Variants in DHTKD1 observed in about 807,000 individuals in gnomAD.
DHTKD1 encodes the protein dehydrogenase E1 and transketolase domain containing 1, also known as 2-oxoadipate dehydrogenase complex component E1.
Under a neutral mutation model 101.8 loss-of-function variants are expected in DHTKD1, and 78 were observed. The observed-to-expected ratio is 0.77, with a 90% CI of 0.64 to 0.93. The LOEUF (loss-of-function observed/expected upper bound fraction) is 0.93, where lower values mean the gene tolerates loss of function less well. Among genes scored for constraint, DHTKD1 ranks in the 40% least tolerant of loss-of-function variants. The probability of loss-of-function intolerance (pLI) is 0.00; values close to 1 mark genes in which losing one functional copy is unlikely to be tolerated. For missense variants in DHTKD1, 1,223 were observed against 1,161.7 expected (o/e 1.05, Z -0.77); for synonymous variants, 462 against 450.3 (o/e 1.03, Z -0.33).
chr10:12,087,147 C>T lies in DHTKD1; in HGVS notation c.523-388C>T, dbSNP rs568602617. Among the ~76,000 whole-genome samples the T allele has an allele frequency of 9.9e-5, 15 of 152,228 alleles. No individual in the cohort carries two copies. Among genetic ancestry groups the T allele is most frequent in the African/African-American group, 3.6e-4 (15 of 41,544 alleles). The stretch of plus-strand genomic sequence containing the variant: ...GGAATGTCAAGATGGCAAGAAGCCC[C>T]TTCCTAATAGTTTGGGTAGTTGGAT... On this transcript the variant is annotated intron_variant, in intron 3 of 16. Transcript: ENST00000263035. The surrounding 1 kb of genome is among the most constrained non-coding windows in gnomAD (Gnocchi z 5.2).
intron 16 of DHTKD1, 55 bp downstream of exon 16, chr10:12,120,322 CTTTTCTTTCTTTCTTTCTTTTTTTT>C: frequency 1.5e-6 from 2 of 1,356,468 alleles, no homozygotes; most frequent in Non-Finnish European, 2.0e-6. Context: ...TGTTGTTTTT[CTTTTCTTTCTTTCTTTCTTTTTTTT>C]TTTTGAGACA....
Position 12,096,396 on chromosome 10 carries a change from A to AT in DHTKD1, c.1359-1281dup, listed in dbSNP as rs1479404501. ...CTCAGGGTTCTATTTTATTTTATTTATTTTTTTGAGACACGGTCTTGCTCT... is the reference window on the plus strand; with the variant it reads ...CTCAGGGTTCTATTTTATTTTATTTATTTTTTTTGAGACACGGTCTTGCTCT... On this transcript the variant is annotated intron_variant, in intron 7 of 16. Coordinates refer to ENST00000263035, the MANE Select transcript of DHTKD1 (RefSeq NM_018706.7). 3.3e-5 allele frequency among the ~76,000 whole-genome samples: 5 copies of AT among 151,838 alleles called. No homozygotes were observed. The South Asian group carries it at 8.3e-4, about 25-fold the overall frequency.
chr10:12,094,786 T>C (rs1428450929), intron 7 of DHTKD1, among the ~76,000 whole-genome samples: 1 of 152,172 alleles, frequency 6.6e-6, no homozygotes, highest in Non-Finnish European at 1.5e-5. Context: ...ATTACAGGTA[T>C]GCATCACCAC....
At chr10:12,097,079 ATTGT>A (rs895206647) in intron 7 of DHTKD1, among the ~76,000 whole-genome samples, 5 of 152,080 alleles carry the variant, frequency 3.3e-5, no homozygotes, top group African/African-American at 1.2e-4. Context: ...TATATTTAAC[ATTGT>A]TTATTTATTT....
intron 10 of DHTKD1, among the ~76,000 whole-genome samples, chr10:12,102,127 T>TA (rs1833180118): frequency 6.6e-6 from 1 of 152,046 alleles, no homozygotes; most frequent in Admixed American, 6.6e-5. Context: ...TGACACCTTA[T>TA]AAAAAATTCA....
intron 16 of DHTKD1, 64 bp downstream of exon 16, chr10:12,120,331 CT>C: frequency 7.5e-7 from 1 of 1,340,762 alleles, no homozygotes; most frequent in African/African-American, 1.5e-5. Flanking sequence ...TCTTTTCTTT[CT>C]TTCTTTCTTT....
Position 12,120,250 on chromosome 10 carries a change from A to C in DHTKD1, c.2641A>C (p.Lys881Gln), listed in dbSNP as rs1445913143. The change falls in exon 16 of 17, where the codon AAG becomes CAG. Residue 881 changes from lysine (K) to glutamine (Q), a missense_variant. Physicochemically the swap from Lys to Gln is moderately conservative, Grantham distance 53. Coordinates refer to ENST00000263035, the MANE Select transcript of DHTKD1 (RefSeq NM_018706.7). ...PWSFVSPRFE[K>Q]QLACKLRLVG... ...GTCGTTTGTTTCTCCAAGGTTTGAA[A>C]AGCAGCTGGCCTGCAAGGTAATCAC... 3 of 1,613,930 alleles carry C rather than the reference A, an allele frequency of 1.9e-6. No individual in the cohort carries two copies. Among genetic ancestry groups the C allele is most frequent in the Non-Finnish European group, 2.5e-6 (3 of 1,179,894 alleles).
In DHTKD1 at chr10:12,113,878, C is replaced by G. The variant is rs185664735; in HGVS notation, c.2319+814C>G. Among the ~76,000 whole-genome samples, 7 of 152,208 alleles carry G rather than the reference C, an allele frequency of 4.6e-5. No individual in the cohort carries two copies. The East Asian group carries it at 1.4e-3, about 29-fold the overall frequency. ...AAGGCTGCAGTGACGTATGACCATGCCACTACACTCCAGCCTGGGCAACAC... is the reference window on the plus strand; with the variant it reads ...AAGGCTGCAGTGACGTATGACCATGGCACTACACTCCAGCCTGGGCAACAC... On this transcript the variant is annotated intron_variant, in intron 13 of 16. Transcript: ENST00000263035.
intron 15 of DHTKD1, among the ~76,000 whole-genome samples, chr10:12,119,381 C>A (rs766734237): frequency 2.0e-5 from 3 of 148,886 alleles, no homozygotes; most frequent in Admixed American, 2.0e-4. Flanking sequence ...TTTGGGAGGC[C>A]GAGGTGGGCG....
At chr10:12,069,629 C>A (rs1387900430) in intron 1 of DHTKD1, among the ~76,000 whole-genome samples, 1 of 132,852 alleles carries the variant, frequency 7.5e-6, no homozygotes, top group Non-Finnish European at 1.6e-5. Context: ...CTCAGGCTAT[C>A]CTTCCACCTC....
At chr10:12,085,977 A>G (rs1832890780) in intron 3 of DHTKD1, among the ~76,000 whole-genome samples, 1 of 152,002 alleles carries the variant, frequency 6.6e-6, no homozygotes, top group African/African-American at 2.4e-5. Flanking sequence ...TTTGAGATGG[A>G]GTCTTGCCCT....
intron 1 of DHTKD1, among the ~76,000 whole-genome samples, chr10:12,071,634 G>A (rs980406954): frequency 1.3e-5 from 2 of 151,426 alleles, no homozygotes; most frequent in Non-Finnish European, 2.9e-5. Flanking sequence ...GCTGGGTGTG[G>A]TGCAGACGTG....
rs1832605243 is a variant in DHTKD1 at position 12,068,976 on chromosome 10, G to A, written c.-58G>A. The A allele has an allele frequency of 6.3e-7, 1 of 1,599,776 alleles. No homozygotes were observed. ...TCTGACGAGTCCCGGATTTACCAGG[G>A]CCGGTGGGATCCCCTCGGGCTCCCG... is the stretch of plus-strand genomic sequence containing the variant. On this transcript the variant is annotated 5_prime_UTR_variant, in exon 1 of 17. Coordinates refer to ENST00000263035, the MANE Select transcript of DHTKD1 (RefSeq NM_018706.7).
intron 1 of DHTKD1, 67 bp downstream of exon 1, chr10:12,069,254 C>T (rs1832613236): frequency 3.2e-6 from 3 of 938,168 alleles, no homozygotes; most frequent in Non-Finnish European, 3.9e-6. Context: ...GGCCGATTTG[C>T]GGTGGGGTGT....
chr10:12,093,084 C>T (rs1327939493), intron 6 of DHTKD1, among the ~76,000 whole-genome samples: 4 of 148,694 alleles, frequency 2.7e-5, no homozygotes, highest in African/African-American at 7.4e-5. Flanking sequence ...GCTCTTGTTG[C>T]CCACGCTGCA....
At chr10:12,104,888 T>TC (rs1833220883) in intron 10 of DHTKD1, among the ~76,000 whole-genome samples, 1 of 151,808 alleles carries the variant, frequency 6.6e-6, no homozygotes, top group Admixed American at 6.6e-5. Flanking sequence ...TTTCTTTTTT[T>TC]TTTTTAGGCA....
chr10:12,093,566 A>G (rs1292124095), intron 6 of DHTKD1, among the ~76,000 whole-genome samples: 1 of 152,172 alleles, frequency 6.6e-6, no homozygotes, highest in African/African-American at 2.4e-5. Flanking sequence ...GATGGTAGCA[A>G]CTATTCTCCT....
At chr10:12,071,714 GAC>G (rs998528271) in intron 1 of DHTKD1, among the ~76,000 whole-genome samples, 4 of 152,164 alleles carry the variant, frequency 2.6e-5, no homozygotes, top group Non-Finnish European at 5.9e-5. Flanking sequence ...GATCACTTGA[GAC>G]AGGGTCTTGC....
intron 3 of DHTKD1, among the ~76,000 whole-genome samples, chr10:12,085,124 A>G (rs549231799): frequency 2.5e-4 from 38 of 152,254 alleles, no homozygotes; most frequent in Non-Finnish European, 4.7e-4. Context: ...AGCCTGGCTG[A>G]CATAGAGAAA....
Sources: allele counts gnomAD v4.1 joint callset (sites outside exome capture counted in the v4.1 genomes callset), GRCh38; gene constraint gnomAD v4.1.1; non-coding constraint Gnocchi (gnomAD v3.1); transcripts MANE v1.5; gene names NCBI Gene and HGNC (gene_info 2026-07-23, HGNC 2026-07-21).